LRFN5: variants seen among roughly 807,000 people sequenced by gnomAD.
LRFN5 encodes the protein leucine-rich repeat and fibronectin type-III domain-containing protein 5.
LRFN5 carries 24 observed loss-of-function variants against 45.6 expected under a neutral mutation model. The ratio of observed to expected loss-of-function variants is 0.53; its 90% CI spans 0.38 to 0.74. The LOEUF (loss-of-function observed/expected upper bound fraction) is 0.74. LRFN5 is among the 30% of genes least tolerant of loss of function. LRFN5 has a pLI of 0.00. For missense variants in LRFN5, 776 were observed against 861.5 expected, an observed-to-expected ratio of 0.90 and a Z score of 1.24; for synonymous variants, 340 against 313.8, an observed-to-expected ratio of 1.08 and a Z score of -0.88.
chr14:41,754,297 T>G (rs546562780), intron 1 of LRFN5, among the ~76,000 whole-genome samples: 1 of 152,134 alleles, frequency 6.6e-6, no homozygotes. Flanking sequence ...TTAGGGAGGA[T>G]TTCCTCTTTT....
chr14:41,702,131 G>A (rs1467719352), intron 1 of LRFN5, among the ~76,000 whole-genome samples: 1 of 152,042 alleles, frequency 6.6e-6, no homozygotes, highest in Admixed American at 6.6e-5. Context: ...AAATGAGAGA[G>A]AATTTAAATA....
chr14:41,676,831 C>A lies in LRFN5; in HGVS notation c.-197+68269C>A, dbSNP rs980244063. ...CCTGAGAAGCTAGTCTTTAAAATAT[C>A]ATCACAGACATCCCTGTGGATGTGG... On this transcript the variant is annotated intron_variant, in intron 1 of 5. Transcript: ENST00000298119. Among the ~76,000 whole-genome samples the A allele has an allele frequency of 2.0e-5, 3 of 152,194 alleles. 1 individual carries two copies. Among genetic ancestry groups the A allele is most frequent in the South Asian group, 2.1e-4 (1 of 4,832 alleles).
chr14:41,725,998 A>G (rs1883915366), intron 1 of LRFN5, among the ~76,000 whole-genome samples: 2 of 152,114 alleles, frequency 1.3e-5, no homozygotes, highest in African/African-American at 4.8e-5. Context: ...TCAGTTATTT[A>G]TTTGGTAGAT....
At position 41,887,384 on chromosome 14, in the gene LRFN5, T is replaced by C; in HGVS notation, c.759T>C (p.Arg253=). The C allele has an allele frequency of 6.2e-7, 1 of 1,614,174 alleles. No individual in the cohort carries two copies. ...ATTGTGAATTGTTGTGGTTGAGGCG[T>C]CTGTCCAGAGAAGATGACTTAGAGA... ...HCNCELLWLR[R]LSREDDLETC... is the part of the protein sequence containing the mutation. The change falls in exon 3 of 6, where the codon CGT becomes CGC. Residue 253 remains arginine, a synonymous_variant. Transcript: ENST00000298119. The surrounding 1 kb of genome is among the most constrained non-coding windows in gnomAD (Gnocchi z 4.8).
intron 1 of LRFN5, among the ~76,000 whole-genome samples, chr14:41,658,467 G>GA (rs1255032237): frequency 6.6e-6 from 1 of 151,818 alleles, no homozygotes; most frequent in Non-Finnish European, 1.5e-5. Context: ...TCACTTTCTT[G>GA]AAAGTAACCT....
At chr14:41,751,697 A>G (rs1462754142) in intron 1 of LRFN5, among the ~76,000 whole-genome samples, 2 of 152,150 alleles carry the variant, frequency 1.3e-5, no homozygotes, top group Non-Finnish European at 2.9e-5. Flanking sequence ...GCAGTCTCAC[A>G]GGACATTAGC....
chr14:41,862,407 G>A (rs11846764), intron 2 of LRFN5, among the ~76,000 whole-genome samples: 2,515 of 152,014 alleles, frequency 0.017, 74 homozygotes, highest in African/African-American at 0.058. Flanking sequence ...ATTAAAGGGG[G>A]GTTAATTAAT....
intron 1 of LRFN5, among the ~76,000 whole-genome samples, chr14:41,734,455 A>G (rs1884337410): frequency 6.7e-6 from 1 of 149,916 alleles, no homozygotes; most frequent in African/African-American, 2.4e-5. Flanking sequence ...TTTATCTTAT[A>G]TAAGTATAGC....
chr14:41,656,446 A>G (rs1289178415), intron 1 of LRFN5, among the ~76,000 whole-genome samples: 1 of 151,868 alleles, frequency 6.6e-6, no homozygotes, highest in Non-Finnish European at 1.5e-5. Context: ...TTGTTTTTAT[A>G]TTTCACAGTT....
intron 1 of LRFN5, among the ~76,000 whole-genome samples, chr14:41,761,215 G>C (rs1885649270): frequency 6.6e-6 from 1 of 150,966 alleles, no homozygotes; most frequent in African/African-American, 2.4e-5. Flanking sequence ...ATGGACAAAA[G>C]GTTTAAGTAT....
intron 1 of LRFN5, among the ~76,000 whole-genome samples, chr14:41,684,835 A>C (rs574580053): frequency 1.7e-4 from 26 of 152,288 alleles, no homozygotes; most frequent in Admixed American, 4.6e-4. Flanking sequence ...CTGCACAGTG[A>C]AGGAAACAGT....
At chr14:41,790,068 C>A (rs538812730) in intron 2 of LRFN5, among the ~76,000 whole-genome samples, 1 of 151,964 alleles carries the variant, frequency 6.6e-6, no homozygotes, top group South Asian at 2.1e-4. Flanking sequence ...ACATCTGAGC[C>A]TGGAATTTTC....
chr14:41,814,790 G>A (rs1289521027), intron 2 of LRFN5, among the ~76,000 whole-genome samples: 1 of 152,066 alleles, frequency 6.6e-6, no homozygotes, highest in African/African-American at 2.4e-5. Context: ...CAAATTGGAC[G>A]GCATCTTTAG....
intron 2 of LRFN5, among the ~76,000 whole-genome samples, chr14:41,850,712 A>G (rs946160584): frequency 6.6e-6 from 1 of 151,750 alleles, no homozygotes; most frequent in African/African-American, 2.4e-5. Flanking sequence ...CCTTTATATG[A>G]TCTCAGTCTG....
chr14:41,753,977 C>T (rs975508050), intron 1 of LRFN5, among the ~76,000 whole-genome samples: 3 of 152,074 alleles, frequency 2.0e-5, no homozygotes, highest in Admixed American at 6.6e-5. Context: ...GCATGAAGGG[C>T]TGTTGAATTT....
At chr14:41,778,018 G>GT (rs1307733037) in intron 2 of LRFN5, among the ~76,000 whole-genome samples, 1 of 147,344 alleles carries the variant, frequency 6.8e-6, no homozygotes, top group Non-Finnish European at 1.5e-5. Flanking sequence ...TGGTGGGGGG[G>GT]GGGGATTGAG....
intron 1 of LRFN5, among the ~76,000 whole-genome samples, chr14:41,765,258 C>T (rs35660536): frequency 0.28 from 41,994 of 150,398 alleles, 6,157 homozygotes; most frequent in South Asian, 0.43. Context: ...AGGAGAATGG[C>T]GTGAACCCGG....
intron 1 of LRFN5, among the ~76,000 whole-genome samples, chr14:41,663,203 G>C (rs531672158): frequency 4.1e-4 from 62 of 152,222 alleles, no homozygotes; most frequent in Admixed American, 3.7e-3. Flanking sequence ...AAACCGCCGT[G>C]CTGTTGAGAG....
chr14:41,698,425 A>G (rs1168389125), intron 1 of LRFN5, among the ~76,000 whole-genome samples: 1 of 152,122 alleles, frequency 6.6e-6, no homozygotes, highest in African/African-American at 2.4e-5. Flanking sequence ...TGAGCAATGT[A>G]TGGAACACTG....
Sources: gnomAD v4.1 joint callset for allele counts (sites outside exome capture counted in the v4.1 genomes callset) on GRCh38, gnomAD v4.1.1 for gene constraint, Gnocchi (gnomAD v3.1) non-coding constraint, MANE v1.5 for transcripts, NCBI Gene and HGNC (gene_info 2026-07-23, HGNC 2026-07-21) for gene names.